Variants in PINX1 observed in about 807,000 individuals in gnomAD.
The protein encoded by PINX1 is PIN2/TERF1-interacting telomerase inhibitor 1.
A neutral mutation model predicts 25.4 loss-of-function variants in PINX1; 34 were observed. That is an observed-to-expected ratio of 1.34 (90% CI 1.02 to 1.78). The LOEUF (loss-of-function observed/expected upper bound fraction) is 1.78. Ranked by LOEUF, PINX1 falls within the 40% of genes most tolerant of loss-of-function variation. PINX1 has a pLI of 0.00. For missense variants in PINX1, 592 were observed against 404.9 expected (o/e 1.46, Z -3.97); for synonymous variants, 197 against 147.7 (o/e 1.33, Z -2.42).
At chr8:10,832,152 A>G (rs1232613625) in intron 3 of PINX1, among the ~76,000 whole-genome samples, 1 of 152,206 alleles carries the variant, frequency 6.6e-6, no homozygotes, top group Admixed American at 6.5e-5. Context: ...TTTGCTTGGT[A>G]GAATTAAAAT....
At chr8:10,817,969 A>G (rs1408673229) in intron 6 of PINX1, among the ~76,000 whole-genome samples, 2 of 152,204 alleles carry the variant, frequency 1.3e-5, no homozygotes, top group Admixed American at 6.5e-5. Flanking sequence ...CTTTTGTAAT[A>G]TAGATACCTG....
At chr8:10,766,603 G>A (rs1398791904) in intron 6 of PINX1, among the ~76,000 whole-genome samples, 1 of 152,222 alleles carries the variant, frequency 6.6e-6, no homozygotes, top group Non-Finnish European at 1.5e-5. Context: ...TCAGCTGGGG[G>A]TGGGGAGTAG....
chr8:10,836,766 G>A (rs548848521), intron 1 of PINX1, among the ~76,000 whole-genome samples: 5 of 152,214 alleles, frequency 3.3e-5, no homozygotes, highest in South Asian at 2.1e-4. Context: ...AGAATCTCCC[G>A]GAAACTTTAC....
chr8:10,792,291 G>A (rs924132497), intron 6 of PINX1, among the ~76,000 whole-genome samples: 1 of 151,882 alleles, frequency 6.6e-6, no homozygotes, highest in Non-Finnish European at 1.5e-5. Flanking sequence ...AAATCCTCCT[G>A]CATCTTCTCT....
intron 6 of PINX1, among the ~76,000 whole-genome samples, chr8:10,786,241 A>G (rs1801743707): frequency 6.6e-6 from 1 of 152,248 alleles, no homozygotes; most frequent in Admixed American, 6.5e-5. Flanking sequence ...GACAAACCTG[A>G]TAATTGAACA....
intron 6 of PINX1, among the ~76,000 whole-genome samples, chr8:10,818,862 G>T (rs944654093): frequency 1.3e-5 from 2 of 152,170 alleles, no homozygotes; most frequent in African/African-American, 4.8e-5. Flanking sequence ...AGGAAGAGGG[G>T]TTGGAGAGGA....
rs142393839 is a variant in PINX1, at chr8:10,810,499, G to T, written c.471+9694C>A. Among the ~76,000 whole-genome samples, 59 of 152,264 alleles carry T rather than the reference G, an allele frequency of 3.9e-4. No homozygotes were observed. The East Asian group carries it at 5.6e-3, about 14-fold the overall frequency. ...GAGCAGCTCCCTTCCTGTGTCCCCA[G>T]ATTGTTCAAGGCATATTTCAACAGA... On this transcript the variant is annotated intron_variant, in intron 6 of 6. Transcript: ENST00000314787.
At chr8:10,837,464 T>C (rs1234899554) in intron 1 of PINX1, among the ~76,000 whole-genome samples, 2 of 152,210 alleles carry the variant, frequency 1.3e-5, no homozygotes, top group Non-Finnish European at 2.9e-5. Context: ...AGTGCGACTA[T>C]ATGCTGAGTC....
At chr8:10,790,698 G>T (rs546501274) in intron 6 of PINX1, among the ~76,000 whole-genome samples, 1 of 152,124 alleles carries the variant, frequency 6.6e-6, no homozygotes, top group Non-Finnish European at 1.5e-5. Context: ...CTGGAACAGC[G>T]ACCTCTACCT....
intron 6 of PINX1, among the ~76,000 whole-genome samples, chr8:10,784,423 C>T (rs1372686385): frequency 6.6e-6 from 1 of 152,202 alleles, no homozygotes; most frequent in African/African-American, 2.4e-5. Flanking sequence ...TTACAAGTTT[C>T]AGCGCTACCT....
intron 6 of PINX1, among the ~76,000 whole-genome samples, chr8:10,770,946 T>C (rs1395194307): frequency 6.6e-6 from 1 of 152,200 alleles, no homozygotes; most frequent in Non-Finnish European, 1.5e-5. Context: ...GTTAACAAAG[T>C]AGACTCCCAG....
intron 6 of PINX1, among the ~76,000 whole-genome samples, chr8:10,773,433 G>A (rs763145834): frequency 3.3e-5 from 5 of 152,178 alleles, no homozygotes; most frequent in Non-Finnish European, 5.9e-5. Context: ...ACATCAAAGA[G>A]CACTCTCAGC....
intron 6 of PINX1, among the ~76,000 whole-genome samples, chr8:10,793,911 A>G (rs1303409357): frequency 1.3e-5 from 2 of 152,232 alleles, no homozygotes; most frequent in Non-Finnish European, 2.9e-5. Flanking sequence ...AAATATTGCA[A>G]TGAGTATCTA....
chr8:10,768,008 G>A (rs1801110961), intron 6 of PINX1, among the ~76,000 whole-genome samples: 1 of 57,212 alleles, frequency 1.7e-5, no homozygotes, highest in South Asian at 7.7e-4. Context: ...ACAGAGACAG[G>A]CTCGGTGACC....
chr8:10,787,336 C>G (rs1402560064), intron 6 of PINX1, among the ~76,000 whole-genome samples: 1 of 151,976 alleles, frequency 6.6e-6, no homozygotes, highest in Non-Finnish European at 1.5e-5. Flanking sequence ...AAGCAATCCT[C>G]CCACCACAGC....
chr8:10,798,073 A>C (rs903962256), intron 6 of PINX1, among the ~76,000 whole-genome samples: 11 of 152,256 alleles, frequency 7.2e-5, no homozygotes, highest in African/African-American at 2.7e-4. Flanking sequence ...ATAGACGGGG[A>C]GACAGATTCC....
At chr8:10,798,817 C>T (rs894408457) in intron 6 of PINX1, among the ~76,000 whole-genome samples, 3 of 152,192 alleles carry the variant, frequency 2.0e-5, no homozygotes, top group South Asian at 2.1e-4. Flanking sequence ...TTTCTAGTGT[C>T]GAGCCAGAGC....
chr8:10,805,791 C>A (rs1250445275), intron 6 of PINX1, among the ~76,000 whole-genome samples: 1 of 124,046 alleles, frequency 8.1e-6, no homozygotes, highest in African/African-American at 2.9e-5. Context: ...TGGCAGAGCA[C>A]AGGAAGAAGC....
intron 6 of PINX1, 148 bp downstream of exon 6, chr8:10,820,045 G>A (rs73208782): frequency 0.18 from 103,449 of 583,264 alleles, 10,951 homozygotes; most frequent in Non-Finnish European, 0.22. Flanking sequence ...ATTATGAAAA[G>A]GATCATATCT....
Sources: gnomAD v4.1 joint callset for allele counts (sites outside exome capture counted in the v4.1 genomes callset) on GRCh38, gnomAD v4.1.1 for gene constraint, MANE v1.5 for transcripts, NCBI Gene and HGNC (gene_info 2026-07-23, HGNC 2026-07-21) for gene names.